COL27A1: variants seen among roughly 807,000 people sequenced by gnomAD.
COL27A1 encodes the protein collagen alpha-1(XXVII) chain.
Under a neutral mutation model 251.3 loss-of-function variants are expected in COL27A1, and 106 were observed. That is an observed-to-expected ratio of 0.42 (90% CI 0.36 to 0.50). The LOEUF is 0.50. Ranked by LOEUF, COL27A1 falls within the 20% of genes least tolerant of loss-of-function variation. The probability of loss-of-function intolerance (pLI) is 0.00; values close to 1 mark genes in which losing one functional copy is unlikely to be tolerated. For synonymous variants in COL27A1, 1,000 were observed against 986.3 expected, an observed-to-expected ratio of 1.01 and a Z score of -0.26; for missense variants, 2,325 against 2,522.8, an observed-to-expected ratio of 0.92 and a Z score of 1.68.
chr9:114,283,650 G>C, intron 39 of COL27A1, 59 bp from the exon 40 acceptor site: 1 of 1,516,778 alleles, frequency 6.6e-7, no homozygotes, highest in Admixed American at 1.7e-5. Context: ...CAGGGAGACT[G>C]CTGTGTCCCC....
chr9:114,258,889 C>A (rs1834127528), intron 28 of COL27A1, among the ~76,000 whole-genome samples: 1 of 152,240 alleles, frequency 6.6e-6, no homozygotes, highest in Admixed American at 6.5e-5. Context: ...CACCTACTGT[C>A]TGGCGGACAC....
chr9:114,295,196 G>A (rs1462662250), intron 49 of COL27A1, among the ~76,000 whole-genome samples: 1 of 152,092 alleles, frequency 6.6e-6, no homozygotes, highest in African/African-American at 2.4e-5. Flanking sequence ...ACTTATAATA[G>A]CATAAAAACA....
At position 114,168,527 on chromosome 9, in the gene COL27A1, T is replaced by G; in HGVS notation, c.972T>G (p.Pro324=). The G allele has an allele frequency of 6.2e-7, 1 of 1,613,894 alleles. No individual in the cohort carries two copies. The highest frequency in any genetic ancestry group is 8.5e-7 in the Non-Finnish European group (1 of 1,179,880). The stretch of plus-strand genomic sequence containing the variant: ...GCCCAGCCCAAACCCCGCTGCTACC[T>G]GCCAAGCTGTCAGCCAGTAACGCAC... ...VGGPAQTPLL[P]AKLSASNALD... is the part of the protein sequence containing the mutation. Residue 324 remains proline (P), a synonymous_variant, in exon 3 of 61, where the codon CCT becomes CCG. Coordinates refer to ENST00000356083, the MANE Select transcript of COL27A1 (RefSeq NM_032888.4).
At chr9:114,185,007 C>G (rs1250241149) in intron 5 of COL27A1, among the ~76,000 whole-genome samples, 1 of 152,216 alleles carries the variant, frequency 6.6e-6, no homozygotes, top group Non-Finnish European at 1.5e-5. Flanking sequence ...GTAGCAGATG[C>G]TCCATCAGCC....
At chr9:114,217,636 C>A in intron 12 of COL27A1, 2 of 377,332 alleles carry the variant, frequency 5.3e-6, no homozygotes, top group South Asian at 4.0e-5. Flanking sequence ...ATCTGCAGGC[C>A]ATCTCCATAT....
intron 25 of COL27A1, 116 bp from the exon 26 acceptor site, chr9:114,252,477 C>T (rs1396565390): frequency 1.2e-6 from 1 of 841,716 alleles, no homozygotes; most frequent in Non-Finnish European, 2.0e-6. Flanking sequence ...CCTCTAGAGA[C>T]CTTGAGCAAA....
intron 45 of COL27A1, 81 bp downstream of exon 45, chr9:114,289,376 C>T (rs911513061): frequency 4.4e-5 from 61 of 1,383,448 alleles, no homozygotes; most frequent in African/African-American, 2.1e-4. Context: ...GCAAACCAAA[C>T]GCAGGCTGCA....
At chr9:114,240,559 A>G in intron 21 of COL27A1, 72 bp downstream of exon 21, 1 of 1,435,874 alleles carries the variant, frequency 7.0e-7, no homozygotes, top group South Asian at 1.2e-5. Context: ...TGTCCTGGGT[A>G]CTGAAGGCCT....
chr9:114,263,008 C>T (rs1475465650), intron 28 of COL27A1, among the ~76,000 whole-genome samples: 16 of 136,358 alleles, frequency 1.2e-4, no homozygotes, highest in Admixed American at 4.3e-4. Context: ...GTGCGATCTC[C>T]GCTCACTGCA....
At chr9:114,179,882 A>C (rs935364278) in intron 4 of COL27A1, among the ~76,000 whole-genome samples, 1 of 121,548 alleles carries the variant, frequency 8.2e-6, no homozygotes, top group Non-Finnish European at 1.6e-5. Context: ...TGTGTCTCCC[A>C]GGCTGGAGTG....
intron 24 of COL27A1, among the ~76,000 whole-genome samples, chr9:114,249,517 A>G (rs904311336): frequency 4.6e-5 from 7 of 152,146 alleles, no homozygotes; most frequent in Admixed American, 4.6e-4. Context: ...GAGCCACACA[A>G]CCAGAGCGGA....
intron 28 of COL27A1, among the ~76,000 whole-genome samples, chr9:114,259,991 TG>T (rs1834201814): frequency 1.8e-5 from 1 of 54,752 alleles, no homozygotes; most frequent in South Asian, 9.1e-4. Flanking sequence ...CCATGTCCTC[TG>T]GGTGGGGGGG....
chr9:114,192,070 A>G (rs1030406310), intron 5 of COL27A1, among the ~76,000 whole-genome samples: 4 of 152,220 alleles, frequency 2.6e-5, no homozygotes, highest in African/African-American at 9.6e-5. Flanking sequence ...TCGGGCAGGC[A>G]TTGCATCTTG....
intron 12 of COL27A1, among the ~76,000 whole-genome samples, chr9:114,213,748 AT>A (rs1830519634): frequency 6.6e-6 from 1 of 152,228 alleles, no homozygotes; most frequent in Non-Finnish European, 1.5e-5. Context: ...AAGATCGATT[AT>A]CCCCATTTTC....
At chr9:114,162,684 G>A (rs1424486522) in intron 1 of COL27A1, 31 bp from the exon 2 acceptor site, 1 of 1,553,658 alleles carries the variant, frequency 6.4e-7, no homozygotes, top group Non-Finnish European at 8.9e-7. Flanking sequence ...GGAAGCTGAT[G>A]CCGCCTCTGC....
chr9:114,243,517 G>A lies in COL27A1; in HGVS notation c.2891G>A (p.Gly964Asp). The A allele has an allele frequency of 6.2e-7, 1 of 1,613,934 alleles. No homozygotes were observed. Among genetic ancestry groups the A allele is most frequent in the South Asian group, 1.1e-5 (1 of 91,066 alleles). The change falls in exon 23 of 61, where the codon GGC becomes GAC. Residue 964 changes from glycine to aspartate, a missense_variant. Coordinates refer to ENST00000356083, the MANE Select transcript of COL27A1 (RefSeq NM_032888.4). ...GTCTCTCTGTTGCAGGGTCAGCCTG[G>A]CAGGAAGGGGTTTCCTGGGAGGCCC... ...PGAPGLEGQPGRKGFPGRPGL... is the reference protein window; with the variant it reads ...PGAPGLEGQPDRKGFPGRPGL...
At chr9:114,254,679 A>G (rs890338987) in intron 27 of COL27A1, among the ~76,000 whole-genome samples, 6 of 152,150 alleles carry the variant, frequency 3.9e-5, no homozygotes, top group African/African-American at 1.4e-4. Context: ...GAAGCCTTTC[A>G]TGGTTTGAAC....
chr9:114,194,951 G>A (rs1247900291), intron 6 of COL27A1, among the ~76,000 whole-genome samples: 1 of 152,182 alleles, frequency 6.6e-6, no homozygotes, highest in African/African-American at 2.4e-5. Flanking sequence ...AGGCTTGCCT[G>A]CAGAAGGAAA....
At chr9:114,242,252 G>A (rs751275782) in intron 22 of COL27A1, 21 bp downstream of exon 22, 15 of 1,605,198 alleles carry the variant, frequency 9.3e-6, no homozygotes, top group African/African-American at 1.3e-5. Context: ...CTGGCCTGGG[G>A]TAGGTGGCAT....
Sources: gnomAD v4.1 joint callset for allele counts (sites outside exome capture counted in the v4.1 genomes callset) on GRCh38, gnomAD v4.1.1 for gene constraint, MANE v1.5 for transcripts, NCBI Gene and HGNC (gene_info 2026-07-23, HGNC 2026-07-21) for gene names.